The following NEK10 variants were observed in gnomAD, a reference collection of about 807,000 sequenced individuals.
The protein encoded by NEK10 is serine/threonine-protein kinase Nek10.
In NEK10, 122 loss-of-function variants were observed where a neutral mutation model predicts 159.8. The ratio of observed to expected loss-of-function variants is 0.76; its 90% confidence interval spans 0.66 to 0.89. The LOEUF (loss-of-function observed/expected upper bound fraction) is 0.89, where lower values mean the gene tolerates loss of function less well. NEK10 is among the 40% of genes least tolerant of loss of function. The pLI, the probability that NEK10 is intolerant of heterozygous loss-of-function variation, is 0.00. For missense variants in NEK10, 1,342 were observed against 1,323.1 expected (o/e 1.01, Z -0.22); for synonymous variants, 466 against 457.1 (o/e 1.02, Z -0.25).
intron 30 of NEK10, among the ~76,000 whole-genome samples, chr3:27,153,595 A>T (rs978711747): frequency 6.6e-6 from 1 of 152,226 alleles, no homozygotes; most frequent in Admixed American, 6.5e-5. Context: ...AATTGAAATT[A>T]TATCAAGCAC....
At chr3:27,353,889 AT>A (rs1196409992) in intron 1 of NEK10, among the ~76,000 whole-genome samples, 1 of 152,116 alleles carries the variant, frequency 6.6e-6, no homozygotes, top group Non-Finnish European at 1.5e-5. Flanking sequence ...TTTAGCATCT[AT>A]TTTTACTCTA....
In NEK10 at chr3:27,295,740, AC is replaced by A. The variant is rs760934333; in HGVS notation, c.1231-51del. 8.0e-6 allele frequency: 12 copies of A among 1,495,032 alleles called. No homozygotes were observed. The African/African-American group carries it at 1.7e-4, about 21-fold the overall frequency. The allele number at this position is 1,495,032 out of a possible 1,614,324, so 92.6% of individuals were successfully genotyped here. A position where few individuals can be genotyped will look rare whatever the true frequency, so the allele number is the denominator to read the frequency against. ...ATGAGTGACAACACTGTAGTGATAC[AC>A]AAGCAAAAAGAGGCAAATAAACAAT... On this transcript the variant is annotated intron_variant, in intron 14 of 35. Coordinates refer to ENST00000691995, the MANE Select transcript of NEK10 (RefSeq NM_001394966.1).
At chr3:27,321,535 TGGTGGC>T (rs2045635566) in intron 6 of NEK10, among the ~76,000 whole-genome samples, 1 of 152,104 alleles carries the variant, frequency 6.6e-6, no homozygotes, top group Non-Finnish European at 1.5e-5. Flanking sequence ...TAGCCGGACA[TGGTGGC>T]ACGTGCCTGT....
intron 29 of NEK10, among the ~76,000 whole-genome samples, chr3:27,165,920 G>C (rs1387181788): frequency 6.6e-6 from 1 of 152,156 alleles, no homozygotes; most frequent in Admixed American, 6.5e-5. Flanking sequence ...TCTCTCATAA[G>C]AATTCCTTGA....
intron 23 of NEK10, among the ~76,000 whole-genome samples, chr3:27,231,687 A>C (rs894189804): frequency 2.6e-5 from 4 of 151,848 alleles, no homozygotes; most frequent in African/African-American, 9.7e-5. Flanking sequence ...CACAGAAATA[A>C]AAAAGATCAT....
chr3:27,313,878 A>G (rs2044922396), intron 7 of NEK10, among the ~76,000 whole-genome samples: 1 of 151,902 alleles, frequency 6.6e-6, no homozygotes, highest in African/African-American at 2.4e-5. Context: ...TGCCTGGCTA[A>G]TTTTTGTATT....
At chr3:27,368,654 C>T (rs79780654) in intron 1 of NEK10, among the ~76,000 whole-genome samples, 156 of 152,112 alleles carry the variant, frequency 1.0e-3, no homozygotes, top group African/African-American at 3.6e-3. Flanking sequence ...GGGAAGATGG[C>T]GTTCAGGGTT....
chr3:27,227,561 C>A (rs1246731312), intron 23 of NEK10, among the ~76,000 whole-genome samples: 1 of 152,156 alleles, frequency 6.6e-6, no homozygotes, highest in East Asian at 1.9e-4. Flanking sequence ...CCTTCAACTC[C>A]TGTGACCTTC....
chr3:27,312,493 T>C (rs1360903185), intron 7 of NEK10, among the ~76,000 whole-genome samples: 1 of 152,206 alleles, frequency 6.6e-6, no homozygotes, highest in Non-Finnish European at 1.5e-5. Flanking sequence ...AAGATACATA[T>C]AAGATACATA....
chr3:27,217,441 G>A (rs1298003848), intron 23 of NEK10, among the ~76,000 whole-genome samples: 1 of 152,170 alleles, frequency 6.6e-6, no homozygotes, highest in Non-Finnish European at 1.5e-5. Flanking sequence ...AGGAGGAAGA[G>A]AGAGAGTAGG....
intron 23 of NEK10, among the ~76,000 whole-genome samples, chr3:27,245,339 G>A (rs1302269693): frequency 6.6e-6 from 1 of 152,170 alleles, no homozygotes; most frequent in Non-Finnish European, 1.5e-5. Flanking sequence ...AGAGATAAAT[G>A]TATTTCACAC....
In NEK10 at chr3:27,256,180, C is replaced by T. The variant is rs545889909; in HGVS notation, c.2090+116G>A. 1.0e-4 allele frequency: 50 copies of T among 489,328 alleles called. 1 individual carries two copies. Among genetic ancestry groups the T allele is most frequent in the African/African-American group, 1.0e-3 (50 of 49,560 alleles). The allele number at this position is 489,328 out of a possible 1,614,324, so 30.3% of individuals were successfully genotyped here. ...TGTATTACCTAGATAATTGAAAAAA[C>T]TTATAAAATAAGCTTTCTTTCCTGA... On this transcript the variant is annotated intron_variant, in intron 23 of 35. Coordinates refer to ENST00000691995, the MANE Select transcript of NEK10 (RefSeq NM_001394966.1).
rs80256770 is a variant in NEK10 at position 27,229,018 on chromosome 3, T to G, written c.2091-26461A>C. The stretch of plus-strand genomic sequence containing the variant: ...TGACCTAGCTACAACTGGTTCCTAC[T>G]CAGGGATACCCCCCCTACTGGCCTG... On this transcript the variant is annotated intron_variant, in intron 23 of 35. Transcript: ENST00000691995. 8.9e-3 allele frequency among the ~76,000 whole-genome samples: 1,349 copies of G among 152,228 alleles called. 25 individuals are homozygous for G. Among genetic ancestry groups the G allele is most frequent in the African/African-American group, 0.03 (1,253 of 41,526 alleles).
chr3:27,320,801 G>C (rs1032310584), intron 6 of NEK10, among the ~76,000 whole-genome samples: 2 of 152,226 alleles, frequency 1.3e-5, no homozygotes, highest in African/African-American at 4.8e-5. Flanking sequence ...CTAATGGAAA[G>C]ATGTGTAGTG....
intron 23 of NEK10, among the ~76,000 whole-genome samples, chr3:27,251,795 ATTTTG>A (rs1327262819): frequency 6.6e-6 from 1 of 152,200 alleles, no homozygotes; most frequent in East Asian, 1.9e-4. Flanking sequence ...TACACATTTT[ATTTTG>A]TTAAAATGTT....
Position 27,192,180 on chromosome 3 carries a change from T to C in NEK10, c.2354A>G (p.Asp785Gly). 1 of 1,614,166 alleles carries C rather than the reference T, an allele frequency of 6.2e-7. No individual in the cohort carries two copies. ...GTTGTCTAAATATTTCATCATGACATCTGATATCATCGAACTGACTTCTAC... is the reference window on the plus strand; with the variant it reads ...GTTGTCTAAATATTTCATCATGACACCTGATATCATCGAACTGACTTCTAC... ...DIVEVSSMIS[D>G]VMMKYLDNLS... The change falls in exon 26 of 36, where the codon GAT becomes GGT. Residue 785 changes from aspartate (D) to glycine (G), a missense_variant. Physicochemically the swap from Asp to Gly is moderately conservative, Grantham distance 94. Transcript: ENST00000691995.
At chr3:27,353,475 G>A (rs559307536) in intron 1 of NEK10, among the ~76,000 whole-genome samples, 7 of 152,236 alleles carry the variant, frequency 4.6e-5, no homozygotes, top group Middle Eastern at 3.4e-3. Context: ...AGAGGCAAAA[G>A]GAATGTACCA....
At chr3:27,121,554 A>C (rs1323313737) in intron 32 of NEK10, among the ~76,000 whole-genome samples, 1 of 152,170 alleles carries the variant, frequency 6.6e-6, no homozygotes, top group Non-Finnish European at 1.5e-5. Context: ...GTTTGCCTGC[A>C]CAAGCTCTCT....
At chr3:27,234,018 A>C (rs964139772) in intron 23 of NEK10, among the ~76,000 whole-genome samples, 68 of 152,090 alleles carry the variant, frequency 4.5e-4, no homozygotes, top group Admixed American at 1.3e-3. Flanking sequence ...AAGAAAAAAA[A>C]CAACATGATT....
Sources: gnomAD v4.1 joint callset for allele counts (sites outside exome capture counted in the v4.1 genomes callset) on GRCh38, gnomAD v4.1.1 for gene constraint, MANE v1.5 for transcripts, NCBI Gene and HGNC (gene_info 2026-07-23, HGNC 2026-07-21) for gene names.